PCK1: variants seen among roughly 807,000 people sequenced by gnomAD.
PCK1 encodes the protein phosphoenolpyruvate carboxykinase, cytosolic [GTP].
A neutral mutation model predicts 50.3 loss-of-function variants in PCK1; 44 were observed. That is an observed-to-expected ratio of 0.87 (90% CI 0.69 to 1.12). PCK1 has a LOEUF of 1.12. Among genes scored for constraint, PCK1 ranks in the 50% most tolerant of loss-of-function variants. The pLI is 0.00. For missense variants in PCK1, 790 were observed against 815.0 expected (o/e 0.97, Z 0.37); for synonymous variants, 332 against 314.3 (o/e 1.06, Z -0.59).
chr20:57,564,925 G>A (rs2070188638), intron 8 of PCK1, 115 bp from the exon 9 acceptor site: 2 of 812,116 alleles, frequency 2.5e-6, no homozygotes, highest in South Asian at 1.7e-5. Flanking sequence ...AAACTAGCTC[G>A]ATTACAAAGT....
At chr20:57,561,766 G>A (rs1375018093) in intron 2 of PCK1, 131 bp downstream of exon 2, 2 of 667,430 alleles carry the variant, frequency 3.0e-6, no homozygotes, top group African/African-American at 3.6e-5. Context: ...TGAATGCAAT[G>A]GTCAGAACCA....
In PCK1 at chr20:57,563,583, C is replaced by A. The variant is rs1188847786; in HGVS notation, c.817C>A (p.Pro273Thr). ...EHMLILGITN[P>T]EGEKKYLAAA... Reference sequence around the variant, plus strand: ...CCAACAGATTCTGGGTATAACCAACCCTGAGGGTGAGAAGAAGTACCTGGC... The same window carrying A: ...CCAACAGATTCTGGGTATAACCAACACTGAGGGTGAGAAGAAGTACCTGGC... Residue 273 changes from proline (P) to threonine (T), a missense_variant, in exon 6 of 10, where the codon CCT becomes ACT. Coordinates refer to ENST00000319441, the MANE Select transcript of PCK1 (RefSeq NM_002591.4). The A allele has an allele frequency of 6.2e-7, 1 of 1,610,224 alleles. No individual in the cohort carries two copies. Among genetic ancestry groups the A allele is most frequent in the East Asian group, 2.2e-5 (1 of 44,812 alleles).
rs1364378204 is a variant in PCK1, at chr20:57,567,774, AC to A, written c.*1971del. ...TGTTAAAATGCATGCCTTGTGCCCCACTGTCCTATTACGGGCTTTCAGTAGT... is the reference window on the plus strand; with the variant it reads ...TGTTAAAATGCATGCCTTGTGCCCCATGTCCTATTACGGGCTTTCAGTAGT... On this transcript the variant is annotated 3_prime_UTR_variant, in exon 10 of 10. Transcript: ENST00000319441. 2 of 152,282 alleles carry A rather than the reference AC, an allele frequency of 1.3e-5. No individual in the cohort carries two copies. Among genetic ancestry groups the A allele is most frequent in the East Asian group, 3.9e-4 (2 of 5,172 alleles). The allele number at this position is 152,282 out of a possible 1,614,324, so 9.4% of individuals were successfully genotyped here.
chr20:57,563,101 CATCT>C lies in PCK1; in HGVS notation c.685_688del (p.Ile229ProfsTer37). 6.2e-7 allele frequency: 1 copy of C among 1,614,118 alleles called. No homozygotes were observed. The highest frequency in any genetic ancestry group is 1.1e-5 in the South Asian group (1 of 91,086). On this transcript the variant is annotated frameshift_variant, in exon 5 of 10. Transcript: ENST00000319441. LOFTEE classifies it high-confidence loss of function. ...CCCACCTGCCTGACCGCAGAGAGAT[CATCT>C]CCTTTGGCAGTGGGTACGGCGGGAA...
At chr20:57,564,838 ATTTTACT>A in intron 8 of PCK1, 195 bp from the exon 9 acceptor site, 1 of 632,684 alleles carries the variant, frequency 1.6e-6, no homozygotes, top group Non-Finnish European at 2.7e-6. Flanking sequence ...GCTTGATCAA[ATTTTACT>A]TTTTACTTTG....
Position 57,563,653 on chromosome 20 carries a change from T to G in PCK1, c.887T>G (p.Met296Arg), listed in dbSNP as rs147749756. 1.9e-6 allele frequency: 3 copies of G among 1,613,716 alleles called. No individual in the cohort carries two copies. The highest frequency in any genetic ancestry group is 2.5e-6 in the Non-Finnish European group (3 of 1,179,748). Residue 296 changes from methionine to arginine, a missense_variant, in exon 6 of 10, where the codon ATG becomes AGG. By Grantham distance (91) the Met-to-Arg change is moderately conservative. Coordinates refer to ENST00000319441, the MANE Select transcript of PCK1 (RefSeq NM_002591.4). Reference sequence around the variant, plus strand: ...TGCGGGAAGACCAACCTGGCCATGATGAACCCCAGCCTCCCCGGGTGGAAG... The same window carrying G: ...TGCGGGAAGACCAACCTGGCCATGAGGAACCCCAGCCTCCCCGGGTGGAAG... ...SACGKTNLAM[M>R]NPSLPGWKVE...
chr20:57,565,594 G>T lies in PCK1; in HGVS notation c.1659G>T (p.Thr553=), dbSNP rs766968081. 1 of 1,614,106 alleles carries T rather than the reference G, an allele frequency of 6.2e-7. No homozygotes were observed. The highest frequency in any genetic ancestry group is 1.7e-5 in the Admixed American group (1 of 60,024). The change falls in exon 10 of 10, where the codon ACG becomes ACT. Residue 553 remains threonine (T), a synonymous_variant. Coordinates refer to ENST00000319441, the MANE Select transcript of PCK1 (RefSeq NM_002591.4). ...ATGGAAAAGCCAGCACCAAGCTCAC[G>T]CCCATAGGCTACATCCCCAAGGAGG... ...RIDGKASTKL[T]PIGYIPKEDA...
rs1157444307 is a variant in PCK1 at position 57,564,205 on chromosome 20, T to A, written c.998T>A (p.Phe333Tyr). 1 of 1,614,036 alleles carries A rather than the reference T, an allele frequency of 6.2e-7. No homozygotes were observed. The highest frequency in any genetic ancestry group is 1.1e-5 in the South Asian group (1 of 91,060). The change falls in exon 7 of 10, where the codon TTC becomes TAC. Residue 333 changes from phenylalanine (F) to tyrosine (Y), a missense_variant. By Grantham distance (22) the Phe-to-Tyr change is conservative. Transcript: ENST00000319441. ...GCCATCAACCCAGAAAATGGCTTTT[T>A]CGGTGTCGCTCCTGGGACTTCAGTG... The part of the protein sequence containing the change: ...LRAINPENGF[F>Y]GVAPGTSVKT...
In PCK1 at chr20:57,564,578, T is replaced by C; in HGVS notation, c.1283T>C (p.Ile428Thr). The C allele has an allele frequency of 6.2e-7, 1 of 1,611,354 alleles. No individual in the cohort carries two copies. Among genetic ancestry groups the C allele is most frequent in the Non-Finnish European group, 8.5e-7 (1 of 1,178,254 alleles). Residue 428 changes from isoleucine (I) to threonine (T), a missense_variant, in exon 8 of 10, where the codon ATT becomes ACT. Transcript: ENST00000319441. Reference sequence around the variant, plus strand: ...TGGGAGTCTCCGGAAGGTGTTCCCATTGAAGGCATTATCTTTGGAGGCCGT... The same window carrying C: ...TGGGAGTCTCCGGAAGGTGTTCCCACTGAAGGCATTATCTTTGGAGGCCGT... ...AAWESPEGVP[I>T]EGIIFGGRRP...
intron 2 of PCK1, 193 bp downstream of exon 2, chr20:57,561,828 G>A (rs1203761236): frequency 8.2e-6 from 5 of 607,122 alleles, no homozygotes; most frequent in Non-Finnish European, 1.4e-5. Flanking sequence ...TTTAAATGAG[G>A]TGTGTGCACA....
Position 57,562,258 on chromosome 20 carries a change from C to T in PCK1, c.406+6C>T, listed in dbSNP as rs762486513. 9.3e-6 allele frequency: 15 copies of T among 1,610,880 alleles called. No homozygotes were observed. The highest frequency in any genetic ancestry group is 5.5e-5 in the South Asian group (5 of 91,016). On this transcript the variant is annotated splice_donor_region_variant and intron_variant, in intron 3 of 9. Transcript: ENST00000319441. ...GTTCCCAGGGTGCATGAAAGGTGAG[C>T]GGAACATTGATTTGATTGGGTAAAA... is the stretch of plus-strand genomic sequence containing the variant.
At position 57,565,613 on chromosome 20, in the gene PCK1, A is replaced by G. The variant is rs200640038; in HGVS notation, c.1678A>G (p.Lys560Glu). ...TKLTPIGYIP[K>E]EDALNLKGLG... ...GCTCACGCCCATAGGCTACATCCCCAAGGAGGATGCCCTGAACCTGAAAGG... is the reference window on the plus strand; with the variant it reads ...GCTCACGCCCATAGGCTACATCCCCGAGGAGGATGCCCTGAACCTGAAAGG... The change falls in exon 10 of 10, where the codon AAG becomes GAG. Residue 560 changes from lysine (K) to glutamate (E), a missense_variant. Coordinates refer to ENST00000319441, the MANE Select transcript of PCK1 (RefSeq NM_002591.4). 17 of 1,613,990 alleles carry G rather than the reference A, an allele frequency of 1.1e-5. No individual in the cohort carries two copies. Among genetic ancestry groups the G allele is most frequent in the Non-Finnish European group, 1.4e-5 (17 of 1,179,980 alleles).
At position 57,561,154 on chromosome 20, in the gene PCK1, C is replaced by G. The variant is rs781125335; in HGVS notation, c.-90C>G. 1 of 332,202 alleles carries G rather than the reference C, an allele frequency of 3.0e-6. No homozygotes were observed. Among genetic ancestry groups the G allele is most frequent in the Non-Finnish European group, 5.6e-6 (1 of 178,982 alleles). The allele number at this position is 332,202 out of a possible 1,614,324, so 20.6% of individuals were successfully genotyped here. A position where few individuals can be genotyped will look rare whatever the true frequency, so the allele number is the denominator to read the frequency against. On this transcript the variant is annotated 5_prime_UTR_variant, in exon 1 of 10. Coordinates refer to ENST00000319441, the MANE Select transcript of PCK1 (RefSeq NM_002591.4). ...CACAAACTTGCTGGCGGGAAGAGCCCGGAAAGAAACCTGTGGATCTCCCTT... is the reference window on the plus strand; with the variant it reads ...CACAAACTTGCTGGCGGGAAGAGCCGGGAAAGAAACCTGTGGATCTCCCTT...
chr20:57,562,926 G>A (rs2070162697), intron 4 of PCK1, 27 bp downstream of exon 4: 3 of 1,592,428 alleles, frequency 1.9e-6, no homozygotes, highest in Non-Finnish European at 2.6e-6. Context: ...AGAATCAAAA[G>A]TCAAAATAAA....
chr20:57,566,022 C>T lies in PCK1; in HGVS notation c.*218C>T. ...AATTGAGAAGGGAAATCTTAGCATG[C>T]CTCCAAAAATTCACATCCAATGCAT... On this transcript the variant is annotated 3_prime_UTR_variant, in exon 10 of 10. Coordinates refer to ENST00000319441, the MANE Select transcript of PCK1 (RefSeq NM_002591.4). 2.0e-6 allele frequency: 1 copy of T among 493,456 alleles called. No individual in the cohort carries two copies. Among genetic ancestry groups the T allele is most frequent in the Non-Finnish European group, 3.6e-6 (1 of 281,360 alleles). The allele number at this position is 493,456 out of a possible 1,614,324, so 30.6% of individuals were successfully genotyped here.
Position 57,564,254 on chromosome 20 carries a change from G to C in PCK1, c.1047G>C (p.Lys349Asn), listed in dbSNP as rs576636213. ...TGAAGACCAACCCCAATGCCATCAA[G>C]ACCATCCAGAAGAACACAATCTTTA... The part of the protein sequence containing the change: ...TSVKTNPNAI[K>N]TIQKNTIFTN... Residue 349 changes from lysine (K) to asparagine (N), a missense_variant, in exon 7 of 10, where the codon AAG (lysine) becomes AAC (asparagine). Transcript: ENST00000319441. 1.6e-5 allele frequency: 26 copies of C among 1,614,084 alleles called. No homozygotes were observed. In the South Asian group the frequency reaches 2.9e-4, roughly 18 times the overall value.
Position 57,565,886 on chromosome 20 carries a change from C to A in PCK1, c.*82C>A. 1.0e-6 allele frequency: 1 copy of A among 993,496 alleles called. No individual in the cohort carries two copies. Among genetic ancestry groups the A allele is most frequent in the Non-Finnish European group, 1.5e-6 (1 of 683,986 alleles). The allele number at this position is 993,496 out of a possible 1,614,324, so 61.5% of individuals were successfully genotyped here. On this transcript the variant is annotated 3_prime_UTR_variant, in exon 10 of 10. Transcript: ENST00000319441. ...GTAGGAGCAAGAGAGGGCAAGTGTT[C>A]CCAAATTGACGCCACCATAATAATC...
At position 57,561,133 on chromosome 20, in the gene PCK1, A is replaced by C; in HGVS notation, c.-111A>C. 6.6e-6 allele frequency: 2 copies of C among 300,848 alleles called. No individual in the cohort carries two copies. Among genetic ancestry groups the C allele is most frequent in the Non-Finnish European group, 1.3e-5 (2 of 159,474 alleles). The allele number at this position is 300,848 out of a possible 1,614,324, so 18.6% of individuals were successfully genotyped here. A position where few individuals can be genotyped will look rare whatever the true frequency, so the allele number is the denominator to read the frequency against. ...GCACGGCCTTCCCACTGGGAACACA[A>C]ACTTGCTGGCGGGAAGAGCCCGGAA... is the stretch of plus-strand genomic sequence containing the variant. On this transcript the variant is annotated 5_prime_UTR_variant, in exon 1 of 10. Transcript: ENST00000319441.
chr20:57,564,329 T>C lies in PCK1; in HGVS notation c.1122T>C (p.Asp374=), dbSNP rs748005558. The change falls in exon 7 of 10, where the codon GAT becomes GAC. Residue 374 remains aspartate (D), a synonymous_variant. Coordinates refer to ENST00000319441, the MANE Select transcript of PCK1 (RefSeq NM_002591.4). Reference sequence around the variant, plus strand: ...GGGGCGTTTACTGGGAAGGCATTGATGAGCCGCTAGCTTCAGGTGTCACCA... The same window carrying C: ...GGGGCGTTTACTGGGAAGGCATTGACGAGCCGCTAGCTTCAGGTGTCACCA... ...SDGGVYWEGI[D]EPLASGVTIT... is the part of the protein sequence containing the mutation. 6.2e-7 allele frequency: 1 copy of C among 1,613,962 alleles called. No homozygotes were observed. Among genetic ancestry groups the C allele is most frequent in the African/African-American group, 1.3e-5 (1 of 74,922 alleles).
Sources: allele counts gnomAD v4.1 joint callset, GRCh38; gene constraint gnomAD v4.1.1; transcripts MANE v1.5; gene names NCBI Gene and HGNC (gene_info 2026-07-23, HGNC 2026-07-21).